SPTLC3: variants seen among roughly 807,000 people sequenced by gnomAD.
The protein encoded by SPTLC3 is serine palmitoyltransferase 3.
Under a neutral mutation model 59.3 loss-of-function variants are expected in SPTLC3, and 36 were observed. The ratio of observed to expected loss-of-function variants is 0.61; its 90% CI spans 0.47 to 0.80. The LOEUF is 0.80. Among genes scored for constraint, SPTLC3 ranks in the 30% least tolerant of loss-of-function variants. SPTLC3 has a pLI of 0.00. For synonymous variants in SPTLC3, 257 were observed against 240.8 expected (o/e 1.07, Z -0.62); for missense variants, 625 against 685.1 (o/e 0.91, Z 0.98).
intron 5 of SPTLC3, among the ~76,000 whole-genome samples, chr20:13,093,261 C>T (rs917506326): frequency 7.9e-5 from 12 of 152,184 alleles, no homozygotes; most frequent in African/African-American, 1.9e-4. Flanking sequence ...ATGCAAATGT[C>T]GCAGTGAACA....
At chr20:13,048,568 A>G (rs989420207) in intron 1 of SPTLC3, among the ~76,000 whole-genome samples, 1 of 152,154 alleles carries the variant, frequency 6.6e-6, no homozygotes, top group Non-Finnish European at 1.5e-5. Flanking sequence ...ACATAACAGG[A>G]GTGTAGAGTG....
chr20:13,073,390 CTTTT>C (rs1458895585), intron 3 of SPTLC3, among the ~76,000 whole-genome samples: 1 of 152,074 alleles, frequency 6.6e-6, no homozygotes, highest in African/African-American at 2.4e-5. Flanking sequence ...GGTTTTCTTT[CTTTT>C]TCTTTCTTTA....
chr20:13,126,856 A>T, intron 9 of SPTLC3, 139 bp downstream of exon 9: 1 of 1,240,852 alleles, frequency 8.1e-7, no homozygotes, highest in Non-Finnish European at 1.1e-6. Context: ...AATGCACAAA[A>T]CTGCCGTTAG....
chr20:13,026,433 A>G (rs1208512389), intron 1 of SPTLC3, among the ~76,000 whole-genome samples: 1 of 152,028 alleles, frequency 6.6e-6, no homozygotes, highest in Non-Finnish European at 1.5e-5. Context: ...GACTGGTGTG[A>G]GATGGTATGT....
At position 13,064,355 on chromosome 20, in the gene SPTLC3, G is replaced by A. The variant is rs374781564; in HGVS notation, c.304-7901G>A. Among the ~76,000 whole-genome samples, 16 of 148,488 alleles carry A rather than the reference G, an allele frequency of 1.1e-4. No homozygotes were observed. The East Asian group carries it at 2.0e-3, about 18-fold the overall frequency. On this transcript the variant is annotated intron_variant, in intron 2 of 11. Coordinates refer to ENST00000399002, the MANE Select transcript of SPTLC3 (RefSeq NM_018327.4). ...AGACAGTGTCTTGCTCTGTCGCCCA[G>A]GCTGGAGTACAGTTGCACGATCTTG...
chr20:13,012,279 G>A (rs1209743948), intron 1 of SPTLC3, among the ~76,000 whole-genome samples: 1 of 152,052 alleles, frequency 6.6e-6, no homozygotes, highest in Non-Finnish European at 1.5e-5. Flanking sequence ...AAATGTTTGG[G>A]GATTAGAGTT....
At chr20:13,029,280 A>G (rs1382656562) in intron 1 of SPTLC3, among the ~76,000 whole-genome samples, 1 of 152,188 alleles carries the variant, frequency 6.6e-6, no homozygotes, top group Non-Finnish European at 1.5e-5. Flanking sequence ...GTGACCTGCG[A>G]AAATGATTCA....
chr20:13,136,357 G>A (rs983708240), intron 9 of SPTLC3, among the ~76,000 whole-genome samples: 2 of 151,998 alleles, frequency 1.3e-5, no homozygotes, highest in Admixed American at 6.6e-5. Context: ...AGCACTTTGC[G>A]AGGCCAAGGC....
intron 10 of SPTLC3, among the ~76,000 whole-genome samples, chr20:13,156,981 A>T (rs1287608002): frequency 6.6e-6 from 1 of 152,236 alleles, no homozygotes; most frequent in Non-Finnish European, 1.5e-5. Context: ...TATGTCAAAC[A>T]ATCTTGTTTC....
At chr20:13,110,282 G>T in intron 7 of SPTLC3, 65 bp downstream of exon 7, 1 of 1,360,608 alleles carries the variant, frequency 7.3e-7, no homozygotes, top group South Asian at 1.3e-5. Flanking sequence ...AGTGCGGAAA[G>T]GCTCACCTTT....
rs140952344 is a variant in SPTLC3, at chr20:13,108,787, G to A, written c.827-1325G>A. On this transcript the variant is annotated intron_variant, in intron 6 of 11. Transcript: ENST00000399002. ...GACTGGGTTTCACCATGTTGGTCCC[G>A]AACTCCTGACCTCAAAGATTTAGCT... 5.3e-3 allele frequency among the ~76,000 whole-genome samples: 804 copies of A among 152,158 alleles called. 9 individuals carry two copies. Among genetic ancestry groups the A allele is most frequent in the African/African-American group, 0.018 (756 of 41,520 alleles).
At chr20:13,100,851 G>A (rs940934932) in intron 6 of SPTLC3, among the ~76,000 whole-genome samples, 1 of 152,190 alleles carries the variant, frequency 6.6e-6, no homozygotes, top group African/African-American at 2.4e-5. Flanking sequence ...AATCACAGGG[G>A]TCAAAATGCA....
intron 6 of SPTLC3, among the ~76,000 whole-genome samples, chr20:13,098,334 C>G (rs1260003832): frequency 6.6e-6 from 1 of 152,106 alleles, no homozygotes; most frequent in Admixed American, 6.5e-5. Context: ...CACATTTAAA[C>G]ACAGGTGGAC....
chr20:13,037,021 T>C (rs1368271566), intron 1 of SPTLC3, among the ~76,000 whole-genome samples: 1 of 152,190 alleles, frequency 6.6e-6, no homozygotes, highest in Non-Finnish European at 1.5e-5. Flanking sequence ...GTATTTTCCA[T>C]CTCTTCATTC....
At chr20:13,136,898 T>A (rs1258498488) in intron 9 of SPTLC3, among the ~76,000 whole-genome samples, 1 of 152,016 alleles carries the variant, frequency 6.6e-6, no homozygotes, top group Non-Finnish European at 1.5e-5. Flanking sequence ...TTAATTATCT[T>A]AGATATTATC....
At chr20:13,011,528 T>A (rs150331867) in intron 1 of SPTLC3, among the ~76,000 whole-genome samples, 1 of 152,290 alleles carries the variant, frequency 6.6e-6, no homozygotes, top group East Asian at 1.9e-4. Context: ...AAGGGTTCCC[T>A]GGCATAACAA....
intron 9 of SPTLC3, among the ~76,000 whole-genome samples, chr20:13,150,634 A>T (rs1394308425): frequency 6.6e-6 from 1 of 152,204 alleles, no homozygotes; most frequent in East Asian, 1.9e-4. Flanking sequence ...TCCCTTTCAG[A>T]TTCATCCTAC....
intron 4 of SPTLC3, among the ~76,000 whole-genome samples, chr20:13,077,951 T>G (rs1988704405): frequency 1.3e-5 from 2 of 151,600 alleles, no homozygotes; most frequent in Admixed American, 6.6e-5. Context: ...AAGCCCAACA[T>G]CTGTATTTTT....
chr20:13,077,211 GACAA>G (rs1988678769), intron 4 of SPTLC3, among the ~76,000 whole-genome samples: 1 of 151,358 alleles, frequency 6.6e-6, no homozygotes, highest in Admixed American at 6.6e-5. Context: ...CTCCAAATCT[GACAA>G]ACAAGCATTT....
Sources: gnomAD v4.1 joint callset for allele counts (sites outside exome capture counted in the v4.1 genomes callset) on GRCh38, gnomAD v4.1.1 for gene constraint, MANE v1.5 for transcripts, NCBI Gene and HGNC (gene_info 2026-07-23, HGNC 2026-07-21) for gene names.